Variants in RIMS2 observed in about 807,000 individuals in gnomAD.
RIMS2 encodes regulating synaptic membrane exocytosis protein 2.
RIMS2 carries 59 observed loss-of-function variants against 174.4 expected under a neutral mutation model. That is an observed-to-expected ratio of 0.34 (90% confidence interval 0.27 to 0.42). RIMS2 has a LOEUF of 0.42. Among genes scored for constraint, RIMS2 ranks in the 10% least tolerant of loss-of-function variants. The pLI is 1.00. For synonymous variants in RIMS2, 606 were observed against 572.5 expected, an observed-to-expected ratio of 1.06 and a Z score of -0.84; for missense variants, 1,620 against 1,666.3, an observed-to-expected ratio of 0.97 and a Z score of 0.48.
intron 19 of RIMS2, chr8:104,223,760 C>A (rs761466768): frequency 4.6e-5 from 74 of 1,596,096 alleles, no homozygotes; most frequent in Non-Finnish European, 5.7e-5. Flanking sequence ...CGGCTACTTT[C>A]CCTGCATGAA....
At chr8:103,796,303 A>G (rs1468056700) in intron 3 of RIMS2, among the ~76,000 whole-genome samples, 1 of 152,186 alleles carries the variant, frequency 6.6e-6, no homozygotes, top group East Asian at 1.9e-4. Flanking sequence ...ACATTTACTG[A>G]GTACCTACAA....
Position 103,747,034 on chromosome 8 carries a change from C to G in RIMS2, c.388-19193C>G, listed in dbSNP as rs144219713. Among the ~76,000 whole-genome samples, 1,113 of 151,446 alleles carry G rather than the reference C, an allele frequency of 7.3e-3. 17 individuals are homozygous for G. Among genetic ancestry groups the G allele is most frequent in the African/African-American group, 0.024 (1,010 of 41,232 alleles). On this transcript the variant is annotated intron_variant, in intron 2 of 23. Coordinates refer to ENST00000504942, the Ensembl canonical transcript of RIMS2. ...GTTAGTTTGCTAAGGATAATGGCCT[C>G]CAACTCTATCCATGTCCCTGCAAAG... is the stretch of plus-strand genomic sequence containing the variant.
intron 3 of RIMS2, among the ~76,000 whole-genome samples, chr8:103,834,682 T>TTCTTTCTTTCTTTC (rs749925951): frequency 6.2e-5 from 3 of 48,228 alleles, no homozygotes; most frequent in Non-Finnish European, 1.1e-4. Flanking sequence ...GTCTTTTTCT[T>TTCTTTCTTTCTTTC]TCTTTCTTTC....
chr8:103,652,637 A>ATTTAAACAG, intron 1 of RIMS2: 1 of 1,349,136 alleles, frequency 7.4e-7, no homozygotes, highest in South Asian at 1.1e-5. Context: ...GTTTCCCTTT[A>ATTTAAACAG]GTGGAATCAC....
At chr8:103,586,932 AATC>A (rs1293753524) in intron 1 of RIMS2, among the ~76,000 whole-genome samples, 1 of 152,076 alleles carries the variant, frequency 6.6e-6, no homozygotes, top group Non-Finnish European at 1.5e-5. Flanking sequence ...ATATTTAAAG[AATC>A]ATTAGTGGTT....
intron 13 of RIMS2, among the ~76,000 whole-genome samples, chr8:103,937,321 T>A (rs1434502712): frequency 6.6e-6 from 1 of 152,198 alleles, no homozygotes; most frequent in Non-Finnish European, 1.5e-5. Flanking sequence ...GGTTTGTATT[T>A]CACAAATATA....
intron 2 of RIMS2, among the ~76,000 whole-genome samples, chr8:103,722,493 C>A (rs904984821): frequency 1.3e-5 from 2 of 152,110 alleles, no homozygotes; most frequent in African/African-American, 4.8e-5. Context: ...AAGCAGCACG[C>A]AACCTAGATC....
At chr8:103,580,419 T>G (rs1426217584) in intron 1 of RIMS2, among the ~76,000 whole-genome samples, 1 of 147,848 alleles carries the variant, frequency 6.8e-6, no homozygotes, top group East Asian at 2.1e-4. Flanking sequence ...AATCAAAGAC[T>G]GTAAAAACAA....
chr8:103,771,653 G>A (rs367648274), intron 3 of RIMS2, among the ~76,000 whole-genome samples: 4 of 151,968 alleles, frequency 2.6e-5, no homozygotes, highest in African/African-American at 7.3e-5. Context: ...TCTGGAATGG[G>A]AAAAGACAGT....
At chr8:103,655,605 T>C (rs1403953116) in intron 1 of RIMS2, among the ~76,000 whole-genome samples, 1 of 152,146 alleles carries the variant, frequency 6.6e-6, no homozygotes, top group African/African-American at 2.4e-5. Context: ...AAAATTTGAA[T>C]TATTGGAATT....
At chr8:103,804,080 A>G (rs1032285790) in intron 3 of RIMS2, among the ~76,000 whole-genome samples, 4 of 152,202 alleles carry the variant, frequency 2.6e-5, no homozygotes, top group African/African-American at 9.6e-5. Context: ...GTTTTGCAGC[A>G]ATGGCAAACT....
chr8:103,739,172 A>G (rs28425195), intron 2 of RIMS2, among the ~76,000 whole-genome samples: 34,647 of 151,842 alleles, frequency 0.23, 4,178 homozygotes, highest in Non-Finnish European at 0.25. Context: ...AATGTGGCAC[A>G]TATACATCAT....
Position 103,986,850 on chromosome 8 carries a change from G to A in RIMS2, c.2928-2455G>A, listed in dbSNP as rs2094396757. Among the ~76,000 whole-genome samples the A allele has an allele frequency of 2.0e-5, 3 of 150,354 alleles. No individual in the cohort carries two copies. The South Asian group carries it at 6.3e-4, about 32-fold the overall frequency. On this transcript the variant is annotated intron_variant, in intron 16 of 23. Coordinates refer to ENST00000504942, the Ensembl canonical transcript of RIMS2. The stretch of plus-strand genomic sequence containing the variant: ...ATCCTGCCATTGCACTCCAACCTGG[G>A]CAAGAAGAGTGAAACTCCGTCTCAA...
At chr8:104,023,385 C>T (rs1313399252) in intron 19 of RIMS2, among the ~76,000 whole-genome samples, 2 of 152,006 alleles carry the variant, frequency 1.3e-5, no homozygotes, top group South Asian at 2.1e-4. Context: ...AGGTTTTGCA[C>T]TAACCCAGGA....
At chr8:104,163,498 C>A (rs188940527) in intron 19 of RIMS2, among the ~76,000 whole-genome samples, 1 of 152,192 alleles carries the variant, frequency 6.6e-6, no homozygotes, top group African/African-American at 2.4e-5. Flanking sequence ...GCAGAGGATA[C>A]TAACCTACTA....
chr8:104,173,920 G>GATTGATTTATTT (rs1554577000), intron 19 of RIMS2, among the ~76,000 whole-genome samples: 1 of 138,966 alleles, frequency 7.2e-6, no homozygotes, highest in Non-Finnish European at 1.5e-5. Context: ...AATGTTAAAG[G>GATTGATTTATTT]ATTTATTTAT....
At chr8:103,939,658 C>G (rs570317338) in intron 13 of RIMS2, among the ~76,000 whole-genome samples, 2 of 152,194 alleles carry the variant, frequency 1.3e-5, no homozygotes, top group Admixed American at 6.5e-5. Flanking sequence ...TCTTTTCTAT[C>G]GCATTGTCAG....
chr8:103,567,311 C>T (rs141243638), intron 1 of RIMS2, among the ~76,000 whole-genome samples: 29 of 152,242 alleles, frequency 1.9e-4, no homozygotes, highest in Admixed American at 7.2e-4. Context: ...CAAACACTCA[C>T]GCCCCATTAT....
chr8:104,015,400 T>C, intron 19 of RIMS2: 1 of 680,640 alleles, frequency 1.5e-6, no homozygotes, highest in Non-Finnish European at 2.7e-6. Context: ...GTTCTGTTTT[T>C]TGTTTTTATT....
Sources: gnomAD v4.1 joint callset for allele counts (sites outside exome capture counted in the v4.1 genomes callset) on GRCh38, gnomAD v4.1.1 for gene constraint, MANE v1.5 for transcripts, NCBI Gene and HGNC (gene_info 2026-07-23, HGNC 2026-07-21) for gene names.